KIF4A: variants seen among roughly 807,000 people sequenced by gnomAD.
KIF4A encodes the protein kinesin family member 4A, also known as chromosome-associated kinesin KIF4A.
Under a neutral mutation model 105.9 loss-of-function variants are expected in KIF4A, and 7 were observed. The observed-to-expected ratio is 0.07, with a 90% CI of 0.04 to 0.12. The LOEUF is 0.12. Ranked by LOEUF, KIF4A falls within the 10% of genes least tolerant of loss-of-function variation. The pLI is 1.00. For synonymous variants in KIF4A, 281 were observed against 331.3 expected, an observed-to-expected ratio of 0.85 and a Z score of 1.65; for missense variants, 558 against 929.2, an observed-to-expected ratio of 0.60 and a Z score of 5.19.
intron 18 of KIF4A, among the ~76,000 whole-genome samples, chrX:70,385,970 T>C (rs1380457441): frequency 2.7e-5 from 3 of 111,427 alleles, no homozygotes; most frequent in Non-Finnish European, 5.7e-5. Flanking sequence ...ACCCAGATAG[T>C]GAACATAGTA....
Position 70,387,235 on chromosome X carries a change from G to T in KIF4A, c.2170G>T (p.Val724Phe), listed in dbSNP as rs374798689. The T allele has an allele frequency of 4.2e-6, 5 of 1,189,268 alleles. No homozygotes were observed. Among genetic ancestry groups the T allele is most frequent in the Non-Finnish European group, 5.7e-6 (5 of 884,883 alleles). ...GGATGCTCTCCAGAAACAACGGGAGGTTGCAGATAAGCGGAAAGAGACTCA... is the reference window on the plus strand; with the variant it reads ...GGATGCTCTCCAGAAACAACGGGAGTTTGCAGATAAGCGGAAAGAGACTCA... ...LKDALQKQRE[V>F]ADKRKETQSR... The change falls in exon 20 of 31, where the codon GTT becomes TTT. Residue 724 changes from valine to phenylalanine, a missense_variant. Physicochemically the swap from Val to Phe is conservative, Grantham distance 50 (BLOSUM62 -1). Around this residue, in one of 2 missense-constraint regions of KIF4A, gnomAD observed 469 missense variants for 680.4 expected, o/e 0.69. Transcript: ENST00000374403.
chrX:70,341,703 C>G, intron 10 of KIF4A, 96 bp from the exon 11 acceptor site: 1 of 914,516 alleles, frequency 1.1e-6, no homozygotes, highest in Admixed American at 3.3e-5. Context: ...AATCCCCCTA[C>G]CTATCCAAAA....
At chrX:70,361,965 C>T (rs753411265) in intron 15 of KIF4A, among the ~76,000 whole-genome samples, 2 of 112,066 alleles carry the variant, frequency 1.8e-5, no homozygotes, top group Non-Finnish European at 3.8e-5. Flanking sequence ...AATGCCTGGT[C>T]CAGAAAGTTA....
At chrX:70,328,875 G>A (rs2085920173) in intron 7 of KIF4A, among the ~76,000 whole-genome samples, 1 of 111,764 alleles carries the variant, frequency 8.9e-6, no homozygotes, top group Non-Finnish European at 1.9e-5. Context: ...CAGTAGGAAA[G>A]GTATTTCACT....
At chrX:70,292,661 C>T (rs147907098) in intron 3 of KIF4A, among the ~76,000 whole-genome samples, 3 of 111,824 alleles carry the variant, frequency 2.7e-5, no homozygotes, top group East Asian at 5.6e-4. Context: ...TTTGGAAAAC[C>T]GTTAAGTGTT....
intron 28 of KIF4A, among the ~76,000 whole-genome samples, chrX:70,416,847 A>G (rs2086346566): frequency 1.8e-5 from 2 of 112,852 alleles, no homozygotes; most frequent in Non-Finnish European, 3.7e-5. Context: ...CTTGTAGACA[A>G]GTTATGAGAT....
At chrX:70,334,185 TG>T (rs1275132049) in intron 10 of KIF4A, among the ~76,000 whole-genome samples, 13 of 111,406 alleles carry the variant, frequency 1.2e-4, no homozygotes, top group African/African-American at 4.2e-4. Context: ...TTTCTTTTTT[TG>T]TTGATGGAAA....
chrX:70,356,099 G>A lies in KIF4A; in HGVS notation c.1674+2292G>A, dbSNP rs1032722688. 2.7e-5 allele frequency among the ~76,000 whole-genome samples: 3 copies of A among 110,937 alleles called. No individual in the cohort carries two copies. In the South Asian group the frequency reaches 1.2e-3, roughly 43 times the overall value. ...GTTTGAGACCAGCCTGGGCAACATG[G>A]CGAAACCCTGGCTCCACAAAAAATA... On this transcript the variant is annotated intron_variant, in intron 15 of 30. Transcript: ENST00000374403.
chrX:70,342,058 C>T (rs1374353632), intron 11 of KIF4A, 127 bp downstream of exon 11: 1 of 915,408 alleles, frequency 1.1e-6, no homozygotes, highest in Admixed American at 3.2e-5. Flanking sequence ...ATTACCATAT[C>T]CTCCAGGGAG....
intron 20 of KIF4A, among the ~76,000 whole-genome samples, chrX:70,389,440 C>T (rs1161619821): frequency 3.6e-5 from 4 of 111,198 alleles, no homozygotes; most frequent in African/African-American, 6.5e-5. Flanking sequence ...CGGTGGTGTG[C>T]GCCTGTAGTC....
At chrX:70,334,765 G>A (rs1454496596) in intron 10 of KIF4A, among the ~76,000 whole-genome samples, 1 of 111,736 alleles carries the variant, frequency 8.9e-6, no homozygotes, top group Non-Finnish European at 1.9e-5. Context: ...AAGAGTCAGA[G>A]TTACACAAAA....
At chrX:70,389,070 T>A (rs915889959) in intron 20 of KIF4A, among the ~76,000 whole-genome samples, 20 of 109,333 alleles carry the variant, frequency 1.8e-4, no homozygotes, top group African/African-American at 6.7e-4. Flanking sequence ...GGGAGCAAAG[T>A]AAGATCCTGT....
intron 20 of KIF4A, among the ~76,000 whole-genome samples, chrX:70,393,885 TG>T (rs2086249152): frequency 1.1e-4 from 8 of 72,365 alleles, no homozygotes; most frequent in Admixed American, 2.1e-4. Context: ...TTTTTTTTTT[TG>T]ACAAGATCTT....
chrX:70,343,061 C>T (rs367908856), intron 11 of KIF4A, among the ~76,000 whole-genome samples: 2 of 111,850 alleles, frequency 1.8e-5, no homozygotes, highest in East Asian at 5.6e-4. Context: ...AAATATCAAT[C>T]ACCCTTCCCA....
intron 15 of KIF4A, among the ~76,000 whole-genome samples, chrX:70,368,708 G>C (rs1257224789): frequency 1.8e-5 from 2 of 112,288 alleles, no homozygotes; most frequent in African/African-American, 6.5e-5. Context: ...GGACCCACTT[G>C]AGGAGGCAGT....
At chrX:70,378,007 A>T (rs2086181779) in intron 18 of KIF4A, among the ~76,000 whole-genome samples, 1 of 112,768 alleles carries the variant, frequency 8.9e-6, no homozygotes, top group South Asian at 3.6e-4. Context: ...ATCAGTAACA[A>T]AAATAAATTT....
chrX:70,416,158 C>T (rs1049045077), intron 28 of KIF4A, among the ~76,000 whole-genome samples: 15 of 109,661 alleles, frequency 1.4e-4, no homozygotes, highest in African/African-American at 3.7e-4. Flanking sequence ...TGAGCCACTG[C>T]GCCCAGCCAG....
At chrX:70,415,861 CTTTTTTTTT>C (rs1162374099) in intron 28 of KIF4A, among the ~76,000 whole-genome samples, 1 of 57,434 alleles carries the variant, frequency 1.7e-5, no homozygotes, top group Non-Finnish European at 3.2e-5. Flanking sequence ...TGCATTATTT[CTTTTTTTTT>C]TTTTTTTTTT....
At chrX:70,415,302 GT>G (rs60103445) in intron 28 of KIF4A, 2 of 257,155 alleles carry the variant, frequency 7.8e-6, no homozygotes, top group Non-Finnish European at 1.4e-5. Context: ...GTTTGTTTTT[GT>G]TTTTTTACAA....
Sources: gnomAD v4.1 joint callset for allele counts (sites outside exome capture counted in the v4.1 genomes callset) on GRCh38, gnomAD v4.1.1 for gene constraint, gnomAD v4.1.1 regional missense constraint, MANE v1.5 for transcripts, NCBI Gene and HGNC (gene_info 2026-07-23, HGNC 2026-07-21) for gene names.